Variants in AUTS2 observed in about 807,000 individuals in gnomAD.
AUTS2 encodes the protein autism susceptibility gene 2 protein.
In AUTS2, 17 loss-of-function variants were observed where a neutral mutation model predicts 112.4. That is an observed-to-expected ratio of 0.15 (90% CI 0.10 to 0.23). AUTS2 has a LOEUF of 0.23. Among genes scored for constraint, AUTS2 ranks in the 10% least tolerant of loss-of-function variants. The pLI is 1.00. For synonymous variants in AUTS2, 751 were observed against 702.7 expected, an observed-to-expected ratio of 1.07 and a Z score of -1.09; for missense variants, 1,510 against 1,701.6, an observed-to-expected ratio of 0.89 and a Z score of 1.98.
intron 1 of AUTS2, among the ~76,000 whole-genome samples, chr7:69,865,852 A>G (rs917129862): frequency 6.6e-6 from 1 of 152,166 alleles, no homozygotes; most frequent in African/African-American, 2.4e-5. Flanking sequence ...CTCTTCCAGA[A>G]ATTTTATTAG....
intron 2 of AUTS2, among the ~76,000 whole-genome samples, chr7:70,046,332 G>GGAATCTTCTTC (rs1801502073): frequency 6.6e-6 from 1 of 152,064 alleles, no homozygotes; most frequent in African/African-American, 2.4e-5. Context: ...ATGTAAAATG[G>GGAATCTTCTTC]ATACACCTTA....
At position 70,665,459 on chromosome 7, in the gene AUTS2, T is replaced by C. The variant is rs142176063; in HGVS notation, c.691-33110T>C. Among the ~76,000 whole-genome samples, 124 of 118,124 alleles carry C rather than the reference T, an allele frequency of 1.0e-3. 1 individual carries two copies. The highest frequency in any genetic ancestry group is 4.4e-3 in the Middle Eastern group (1 of 228). The allele number at this position is 118,124 out of a possible 152,430, so 77.5% of individuals were successfully genotyped here. A position where few individuals can be genotyped will look rare whatever the true frequency, so the allele number is the denominator to read the frequency against. ...TTTATTTATCTATTTATCTATTTAT[T>C]TATTTATTTATTTATTTATTTTTGT... On this transcript the variant is annotated intron_variant, in intron 5 of 18. Transcript: ENST00000342771.
intron 5 of AUTS2, among the ~76,000 whole-genome samples, chr7:70,598,031 G>A (rs1253737612): frequency 1.3e-5 from 2 of 152,176 alleles, no homozygotes; most frequent in African/African-American, 2.4e-5. Context: ...AATACTGCAT[G>A]CGTTTTAAAG....
At chr7:70,184,273 G>A (rs1302994020) in intron 4 of AUTS2, among the ~76,000 whole-genome samples, 1 of 152,216 alleles carries the variant, frequency 6.6e-6, no homozygotes, top group Non-Finnish European at 1.5e-5. Context: ...AGTAGCCACA[G>A]AGTGTAGAAA....
At chr7:70,166,505 G>A (rs1808390281) in intron 4 of AUTS2, among the ~76,000 whole-genome samples, 1 of 152,110 alleles carries the variant, frequency 6.6e-6, no homozygotes, top group African/African-American at 2.4e-5. Flanking sequence ...GAAATATACT[G>A]TTGTAAGGTT....
At chr7:70,357,036 T>C (rs1362295918) in intron 4 of AUTS2, among the ~76,000 whole-genome samples, 2 of 152,220 alleles carry the variant, frequency 1.3e-5, no homozygotes, top group African/African-American at 4.8e-5. Context: ...GTGTGTGGGA[T>C]AGTTTGGTAA....
chr7:70,117,137 G>GTTTT (rs541747935), intron 2 of AUTS2, among the ~76,000 whole-genome samples: 2 of 61,998 alleles, frequency 3.2e-5, no homozygotes, highest in African/African-American at 1.2e-4. Context: ...GTTTTTTTTT[G>GTTTT]TTTTTTTTTT....
intron 2 of AUTS2, among the ~76,000 whole-genome samples, chr7:69,996,238 A>C (rs1213912114): frequency 6.6e-6 from 1 of 152,182 alleles, no homozygotes; most frequent in African/African-American, 2.4e-5. Flanking sequence ...AACACAGTGC[A>C]TGGGGCCTGC....
intron 6 of AUTS2, among the ~76,000 whole-genome samples, 182 bp from the exon 7 acceptor site, chr7:70,762,688 A>G (rs1296512016): frequency 6.6e-6 from 1 of 152,018 alleles, no homozygotes; most frequent in Non-Finnish European, 1.5e-5. Flanking sequence ...TCTGTCCACC[A>G]TTGACCCCAT....
intron 4 of AUTS2, among the ~76,000 whole-genome samples, chr7:70,403,593 A>G (rs1386605915): frequency 6.6e-6 from 1 of 152,200 alleles, no homozygotes; most frequent in Non-Finnish European, 1.5e-5. Context: ...CTGGGATTTC[A>G]TGGCTCCTGT....
chr7:69,852,721 GGGATTATAGGTGTGAGCCACCGTGCCC>G (rs1562928777), intron 1 of AUTS2, among the ~76,000 whole-genome samples: 1 of 152,138 alleles, frequency 6.6e-6, no homozygotes, highest in African/African-American at 2.4e-5. Flanking sequence ...CCAAAGTGCT[GGGATTATAGGTGTGAGCCACCGTGCCC>G]GGCCCCTGCT....
intron 1 of AUTS2, among the ~76,000 whole-genome samples, chr7:69,727,276 C>T (rs113613685): frequency 1.3e-5 from 2 of 152,222 alleles, no homozygotes; most frequent in African/African-American, 4.8e-5. Context: ...CATTGAATGT[C>T]CCTGGCACCT....
chr7:70,412,926 G>T (rs1443759448), intron 4 of AUTS2, among the ~76,000 whole-genome samples: 2 of 152,202 alleles, frequency 1.3e-5, no homozygotes, highest in Non-Finnish European at 2.9e-5. Context: ...GGGGGTCAGA[G>T]GTCGCAGGAG....
intron 2 of AUTS2, among the ~76,000 whole-genome samples, chr7:69,942,176 G>T (rs1277400629): frequency 6.6e-6 from 1 of 152,000 alleles, no homozygotes; most frequent in South Asian, 2.1e-4. Flanking sequence ...CTTGTTTATG[G>T]TCTGTCTCTC....
At chr7:69,958,169 C>T (rs571656957) in intron 2 of AUTS2, among the ~76,000 whole-genome samples, 10 of 152,232 alleles carry the variant, frequency 6.6e-5, no homozygotes, top group East Asian at 1.9e-4. Flanking sequence ...TATAGCCCAC[C>T]GGCCAATCCC....
intron 2 of AUTS2, among the ~76,000 whole-genome samples, chr7:69,983,578 A>T (rs1221045835): frequency 1.3e-5 from 2 of 151,608 alleles, no homozygotes; most frequent in South Asian, 4.2e-4. Context: ...AAAAAGTGCT[A>T]CTCTTTGTAG....
chr7:69,789,160 C>G (rs939220359), intron 1 of AUTS2, among the ~76,000 whole-genome samples: 4 of 152,130 alleles, frequency 2.6e-5, no homozygotes, highest in Non-Finnish European at 1.5e-5. Flanking sequence ...TTTAAGGCCA[C>G]TTTGACAGAG....
At chr7:70,278,139 A>G (rs960205183) in intron 4 of AUTS2, among the ~76,000 whole-genome samples, 1 of 152,074 alleles carries the variant, frequency 6.6e-6, no homozygotes, top group Non-Finnish European at 1.5e-5. Flanking sequence ...GGGTACTTTT[A>G]TTTCATTATC....
At chr7:70,478,857 AATT>A (rs1283817776) in intron 5 of AUTS2, among the ~76,000 whole-genome samples, 2 of 152,094 alleles carry the variant, frequency 1.3e-5, no homozygotes, top group Non-Finnish European at 2.9e-5. Context: ...GTACACAGAT[AATT>A]ATTACTTTCA....
Sources: gnomAD v4.1 joint callset for allele counts (sites outside exome capture counted in the v4.1 genomes callset) on GRCh38, gnomAD v4.1.1 for gene constraint, MANE v1.5 for transcripts, NCBI Gene and HGNC (gene_info 2026-07-23, HGNC 2026-07-21) for gene names.